C1QTNF3: variants seen among roughly 807,000 people sequenced by gnomAD.
The protein encoded by C1QTNF3 is C1q and TNF related 3, also known as complement C1q tumor necrosis factor-related protein 3.
Under a neutral mutation model 32.6 loss-of-function variants are expected in C1QTNF3, and 26 were observed. The ratio of observed to expected loss-of-function variants is 0.80; its 90% confidence interval spans 0.58 to 1.11. C1QTNF3 has a LOEUF of 1.11. C1QTNF3 is among the 50% of genes least tolerant of loss of function. C1QTNF3 has a pLI of 0.00. For synonymous variants in C1QTNF3, 155 were observed against 146.0 expected (o/e 1.06, Z -0.44); for missense variants, 362 against 398.2 (o/e 0.91, Z 0.77).
At chr5:34,031,343 G>C (rs1424761071) in intron 3 of C1QTNF3, among the ~76,000 whole-genome samples, 1 of 152,188 alleles carries the variant, frequency 6.6e-6, no homozygotes, top group Non-Finnish European at 1.5e-5. Context: ...TAATTGCCCA[G>C]AATGTTCTCT....
the C1QTNF3 span, among the ~76,000 whole-genome samples, chr5:34,085,375 G>T: frequency 6.6e-6 from 1 of 150,568 alleles, no homozygotes; most frequent in African/African-American, 2.5e-5. Flanking sequence ...TGTGCATATT[G>T]TTATCCAGTT....
chr5:34,075,050 AAT>A, the C1QTNF3 span, among the ~76,000 whole-genome samples: 1 of 151,816 alleles, frequency 6.6e-6, no homozygotes, highest in Admixed American at 6.6e-5. Context: ...AAATATATGT[AAT>A]TTTAAACAGA....
the C1QTNF3 span, among the ~76,000 whole-genome samples, chr5:34,086,976 G>C: frequency 1.3e-5 from 2 of 152,088 alleles, no homozygotes; most frequent in South Asian, 4.1e-4. Context: ...AAGGTTTTAT[G>C]AAGATATTTT....
At chr5:34,206,789 T>C in the C1QTNF3 span, among the ~76,000 whole-genome samples, 1 of 150,638 alleles carries the variant, frequency 6.6e-6, no homozygotes, top group Non-Finnish European at 1.5e-5. Context: ...GGTAAGTTTC[T>C]ACAGTAACAT....
the C1QTNF3 span, chr5:34,193,642 T>C: frequency 0.025 from 15,955 of 638,390 alleles, 1 homozygote; most frequent in African/African-American, 0.17. Flanking sequence ...ATGGGCATCC[T>C]TCAGCTTTTA....
chr5:34,124,456 C>T, the C1QTNF3 span: 1 of 716,462 alleles, frequency 1.4e-6, no homozygotes, highest in South Asian at 1.5e-5. Flanking sequence ...TTAGTCATGG[C>T]AGAAAGTGAG....
chr5:34,031,598 C>T (rs1416647526), intron 3 of C1QTNF3, among the ~76,000 whole-genome samples: 2 of 152,024 alleles, frequency 1.3e-5, no homozygotes, highest in Admixed American at 6.6e-5. Flanking sequence ...TTTGGGAGGC[C>T]GAGGCAGGCC....
chr5:34,065,785 T>C, the C1QTNF3 span, among the ~76,000 whole-genome samples: 3 of 152,180 alleles, frequency 2.0e-5, no homozygotes, highest in Non-Finnish European at 4.4e-5. Flanking sequence ...TCTGGAGATT[T>C]CTCAGAGAAC....
chr5:34,110,379 T>C, the C1QTNF3 span, among the ~76,000 whole-genome samples: 1 of 152,122 alleles, frequency 6.6e-6, no homozygotes, highest in South Asian at 2.1e-4. Context: ...CAGTATCTTT[T>C]ATAATCTGCA....
chr5:34,073,147 GAA>G, the C1QTNF3 span, among the ~76,000 whole-genome samples: 1 of 152,074 alleles, frequency 6.6e-6, no homozygotes, highest in East Asian at 1.9e-4. Context: ...CTAACACGGT[GAA>G]ACCCTGTCTC....
chr5:34,214,656 CATA>C, the C1QTNF3 span, among the ~76,000 whole-genome samples: 3 of 152,018 alleles, frequency 2.0e-5, no homozygotes, highest in African/African-American at 7.2e-5. Context: ...ATAGCAAAAA[CATA>C]ATGTGTAAAT....
At chr5:34,228,760 T>C in the C1QTNF3 span, among the ~76,000 whole-genome samples, 3 of 152,054 alleles carry the variant, frequency 2.0e-5, no homozygotes, top group Non-Finnish European at 2.9e-5. Context: ...TTCATTTTCC[T>C]AGTTAACTTT....
At chr5:34,142,622 T>C in the C1QTNF3 span, among the ~76,000 whole-genome samples, 3 of 152,182 alleles carry the variant, frequency 2.0e-5, no homozygotes, top group Admixed American at 6.5e-5. Context: ...CTACTGTCAT[T>C]ACTCTTACGT....
upstream of C1QTNF3, among the ~76,000 whole-genome samples, chr5:34,044,907 T>A (rs116358193): frequency 0.012 from 1,835 of 152,300 alleles, 33 homozygotes; most frequent in African/African-American, 0.043. Context: ...TGTGTCAAAC[T>A]GTTATTCTTA....
the C1QTNF3 span, among the ~76,000 whole-genome samples, chr5:34,093,719 A>T: frequency 6.6e-6 from 1 of 150,498 alleles, no homozygotes; most frequent in Admixed American, 6.6e-5. Context: ...ACCCTAGCCT[A>T]ATTGGTTTTC....
chr5:34,067,786 T>C, the C1QTNF3 span, among the ~76,000 whole-genome samples: 1 of 152,242 alleles, frequency 6.6e-6, no homozygotes, highest in Admixed American at 6.5e-5. Context: ...TTGGAGAATA[T>C]GTTGATTATT....
the C1QTNF3 span, among the ~76,000 whole-genome samples, chr5:34,087,570 C>CTTTTT: frequency 1.4e-5 from 1 of 70,024 alleles, no homozygotes. Flanking sequence ...ACGCTTTTGT[C>CTTTTT]TTTTTTTTTT....
chr5:34,197,316 C>G, the C1QTNF3 span, among the ~76,000 whole-genome samples: 1 of 152,306 alleles, frequency 6.6e-6, no homozygotes, highest in Non-Finnish European at 1.5e-5. Context: ...CCAAAATGGT[C>G]TGTAATATTC....
chr5:34,131,882 T>C, the C1QTNF3 span, among the ~76,000 whole-genome samples: 7 of 152,170 alleles, frequency 4.6e-5, no homozygotes, highest in Non-Finnish European at 8.8e-5. Flanking sequence ...ACATACCCCA[T>C]AAATATGTAC....
Sources: allele counts gnomAD v4.1 joint callset (sites outside exome capture counted in the v4.1 genomes callset), GRCh38; gene constraint gnomAD v4.1.1; transcripts MANE v1.5; gene names NCBI Gene and HGNC (gene_info 2026-07-23, HGNC 2026-07-21).